PPIP5K2: variants seen among roughly 807,000 people sequenced by gnomAD.
PPIP5K2 encodes the protein inositol hexakisphosphate and diphosphoinositol-pentakisphosphate kinase 2.
A neutral mutation model predicts 154.6 loss-of-function variants in PPIP5K2; 105 were observed. The ratio of observed to expected loss-of-function variants is 0.68; its 90% CI spans 0.58 to 0.80. The LOEUF is 0.80. PPIP5K2 is among the 30% of genes least tolerant of loss of function. PPIP5K2 has a pLI of 0.00. For synonymous variants in PPIP5K2, 480 were observed against 490.3 expected (o/e 0.98, Z 0.28); for missense variants, 992 against 1,504.6 (o/e 0.66, Z 5.64).
chr5:103,189,926 T>A (rs1210227251), intron 28 of PPIP5K2, among the ~76,000 whole-genome samples: 2 of 152,074 alleles, frequency 1.3e-5, no homozygotes, highest in Admixed American at 6.6e-5. Context: ...AGTATTTAAC[T>A]GCGGGAAATT....
intron 5 of PPIP5K2, among the ~76,000 whole-genome samples, chr5:103,140,652 A>G (rs1032938328): frequency 1.3e-4 from 19 of 151,748 alleles, no homozygotes; most frequent in South Asian, 2.1e-4. Context: ...GATCGAGACC[A>G]CGGTGAAACC....
rs1311046424 is a variant in PPIP5K2 at position 103,209,200 on chromosome 5, C to G, written c.*7566C>G. The G allele has an allele frequency of 6.6e-6, 1 of 152,046 alleles. No homozygotes were observed. Among genetic ancestry groups the G allele is most frequent in the African/African-American group, 2.4e-5 (1 of 41,386 alleles). The allele number at this position is 152,046 out of a possible 1,614,324, so 9.4% of individuals were successfully genotyped here. A position where few individuals can be genotyped will look rare whatever the true frequency, so the allele number is the denominator to read the frequency against. On this transcript the variant is annotated 3_prime_UTR_variant, in exon 31 of 31. Coordinates refer to ENST00000358359, the MANE Select transcript of PPIP5K2 (RefSeq NM_001276277.3). ...TATATAGTCCAGATGTCAACCAGGC[C>G]TCTTCAGCATTTTTATAGTCAAAGA...
At chr5:103,142,519 G>A (rs1428842338) in intron 5 of PPIP5K2, among the ~76,000 whole-genome samples, 8 of 152,212 alleles carry the variant, frequency 5.3e-5, no homozygotes, top group South Asian at 2.1e-4. Flanking sequence ...CTCCTCAAGC[G>A]CCGCCAAAGT....
Position 103,203,808 on chromosome 5 carries a change from A to T in PPIP5K2, c.*2174A>T, listed in dbSNP as rs1296725295. On this transcript the variant is annotated 3_prime_UTR_variant, in exon 31 of 31. Coordinates refer to ENST00000358359, the MANE Select transcript of PPIP5K2 (RefSeq NM_001276277.3). ...AGCCCTTGAAGTCTAGTGCTGGCAG[A>T]TTCTGCTGCCCTGGTTTAAATGAGT... 6.6e-6 allele frequency: 1 copy of T among 152,214 alleles called. No homozygotes were observed. The highest frequency in any genetic ancestry group is 1.5e-5 in the Non-Finnish European group (1 of 68,044). 9.4% of individuals were successfully genotyped at this position (152,214 alleles called of 1,614,324 possible).
intron 30 of PPIP5K2, among the ~76,000 whole-genome samples, chr5:103,199,856 T>G (rs570197407): frequency 3.0e-4 from 45 of 152,304 alleles, no homozygotes; most frequent in African/African-American, 1.1e-3. Context: ...AAACTTATGT[T>G]TCTTTGTCCT....
chr5:103,187,946 G>A (rs1249782939), intron 28 of PPIP5K2, among the ~76,000 whole-genome samples: 1 of 152,072 alleles, frequency 6.6e-6, no homozygotes, highest in Admixed American at 6.6e-5. Flanking sequence ...ACTTTGTCCA[G>A]CATTCACTTT....
intron 19 of PPIP5K2, among the ~76,000 whole-genome samples, chr5:103,171,264 T>G (rs1211923543): frequency 6.6e-6 from 1 of 151,552 alleles, no homozygotes; most frequent in Admixed American, 6.6e-5. Flanking sequence ...ATAGCCATGA[T>G]GGTATAGTGG....
intron 2 of PPIP5K2, among the ~76,000 whole-genome samples, chr5:103,130,246 T>TA: frequency 6.6e-6 from 1 of 152,284 alleles, no homozygotes; most frequent in African/African-American, 2.4e-5. Context: ...CTCTTTCTGA[T>TA]ATCATGTTCT....
intron 2 of PPIP5K2, 29 bp from the exon 3 acceptor site, chr5:103,133,422 AAC>A: frequency 6.3e-7 from 1 of 1,590,956 alleles, no homozygotes; most frequent in Non-Finnish European, 8.5e-7. Context: ...ATGTAAAGTT[AAC>A]CCGATTTTTT....
chr5:103,187,305 C>G lies in PPIP5K2; in HGVS notation c.3290-9C>G. On this transcript the variant is annotated splice_polypyrimidine_tract_variant and intron_variant, in intron 27 of 30. Coordinates refer to ENST00000358359, the MANE Select transcript of PPIP5K2 (RefSeq NM_001276277.3). ...ACGAATTTCAGGTACCTGTTTTTCT[C>G]TTTCTTAGACGCCACACGCGGTTCT... 3 of 1,529,544 alleles carry G rather than the reference C, an allele frequency of 2.0e-6. No homozygotes were observed. Among genetic ancestry groups the G allele is most frequent in the African/African-American group, 1.4e-5 (1 of 72,844 alleles). The allele number at this position is 1,529,544 out of a possible 1,614,324, so 94.7% of individuals were successfully genotyped here. A position where few individuals can be genotyped will look rare whatever the true frequency, so the allele number is the denominator to read the frequency against.
chr5:103,172,189 A>G (rs1798078714), intron 19 of PPIP5K2, among the ~76,000 whole-genome samples: 1 of 151,712 alleles, frequency 6.6e-6, no homozygotes, highest in Admixed American at 6.6e-5. Context: ...ACACATAAAT[A>G]CACAGTTGCA....
At chr5:103,123,403 G>A (rs1450202229) in intron 1 of PPIP5K2, among the ~76,000 whole-genome samples, 3 of 152,158 alleles carry the variant, frequency 2.0e-5, no homozygotes, top group Non-Finnish European at 2.9e-5. Context: ...CATCACCTTG[G>A]AACTTTTGGA....
rs1554231449 is a variant in PPIP5K2, at chr5:103,203,729, T to C, written c.*2095T>C. On this transcript the variant is annotated 3_prime_UTR_variant, in exon 31 of 31. Coordinates refer to ENST00000358359, the MANE Select transcript of PPIP5K2 (RefSeq NM_001276277.3). Reference sequence around the variant, plus strand: ...CCCTGAGATATTAATCTTCATAATGTATTATTCAGTTCCTTCACCCTTAAA... The same window carrying C: ...CCCTGAGATATTAATCTTCATAATGCATTATTCAGTTCCTTCACCCTTAAA... 1 of 152,230 alleles carries C rather than the reference T, an allele frequency of 6.6e-6. No individual in the cohort carries two copies. Among genetic ancestry groups the C allele is most frequent in the African/African-American group, 2.4e-5 (1 of 41,446 alleles). The allele number at this position is 152,230 out of a possible 1,614,324, so 9.4% of individuals were successfully genotyped here.
At chr5:103,124,009 G>A (rs570571707) in intron 1 of PPIP5K2, among the ~76,000 whole-genome samples, 4 of 152,118 alleles carry the variant, frequency 2.6e-5, no homozygotes, top group East Asian at 1.9e-4. Context: ...GGCCGGGCGC[G>A]GTGGCTCACA....
At chr5:103,156,292 G>T (rs1393657090) in intron 14 of PPIP5K2, among the ~76,000 whole-genome samples, 17 of 152,092 alleles carry the variant, frequency 1.1e-4, no homozygotes, top group Admixed American at 9.8e-4. Flanking sequence ...TATTTAATGG[G>T]CTCCTTACAT....
chr5:103,152,803 A>G lies in PPIP5K2; in HGVS notation c.1130+54A>G, dbSNP rs558813685. The G allele has an allele frequency of 6.6e-4, 795 of 1,199,550 alleles. 10 individuals carry two copies. The South Asian group carries it at 8.7e-3, about 13-fold the overall frequency. 74.3% of individuals were successfully genotyped at this position (1,199,550 alleles called of 1,614,324 possible). A position where few individuals can be genotyped will look rare whatever the true frequency, so the allele number is the denominator to read the frequency against. On this transcript the variant is annotated intron_variant, in intron 10 of 30. Coordinates refer to ENST00000358359, the MANE Select transcript of PPIP5K2 (RefSeq NM_001276277.3). ...TTGAGTTTTCCTTGCCATCTGTGCT[A>G]TTAGGATAAAAATTAAATTTCTGAA...
intron 24 of PPIP5K2, among the ~76,000 whole-genome samples, 165 bp downstream of exon 24, chr5:103,180,353 CA>C (rs1554222312): frequency 6.6e-6 from 1 of 151,466 alleles, no homozygotes; most frequent in Non-Finnish European, 1.5e-5. Flanking sequence ...AGAGGCAGTT[CA>C]AAAATAGATT....
intron 5 of PPIP5K2, among the ~76,000 whole-genome samples, chr5:103,139,430 CAGCAAGAGTTTGT>C (rs1409470380): frequency 6.6e-6 from 1 of 152,126 alleles, no homozygotes; most frequent in African/African-American, 2.4e-5. Context: ...CTCTAGGAGT[CAGCAAGAGTTTGT>C]AGCATTCCTG....
At chr5:103,189,538 T>C (rs1275623771) in intron 28 of PPIP5K2, among the ~76,000 whole-genome samples, 1 of 152,146 alleles carries the variant, frequency 6.6e-6, no homozygotes, top group Non-Finnish European at 1.5e-5. Context: ...ATGTAACAGT[T>C]GTGCAAGCCT....
Sources: allele counts gnomAD v4.1 joint callset (sites outside exome capture counted in the v4.1 genomes callset), GRCh38; gene constraint gnomAD v4.1.1; transcripts MANE v1.5; gene names NCBI Gene and HGNC (gene_info 2026-07-23, HGNC 2026-07-21).